The following CTTNBP2 variants were observed in gnomAD, a reference collection of about 807,000 sequenced individuals.
The protein encoded by CTTNBP2 is cortactin-binding protein 2.
Under a neutral mutation model 156.9 loss-of-function variants are expected in CTTNBP2, and 108 were observed. The ratio of observed to expected loss-of-function variants is 0.69; its 90% CI spans 0.59 to 0.81. The LOEUF is 0.81. Among genes scored for constraint, CTTNBP2 ranks in the 30% least tolerant of loss-of-function variants. CTTNBP2 has a pLI of 0.00. For synonymous variants in CTTNBP2, 767 were observed against 751.8 expected (o/e 1.02, Z -0.33); for missense variants, 1,924 against 2,035.4 (o/e 0.95, Z 1.05).
intron 12 of CTTNBP2, among the ~76,000 whole-genome samples, chr7:117,749,314 T>C (rs1360451908): frequency 6.6e-6 from 1 of 152,184 alleles, no homozygotes; most frequent in Non-Finnish European, 1.5e-5. Flanking sequence ...GGTGGCTGAA[T>C]CTCCTTCTTG....
Position 117,718,008 on chromosome 7 carries a change from G to GGACACTTACCTT in CTTNBP2, c.4744_4746+9dup. ...TCCTTTGTTCACTTTGGGGAGAAAG[G>GGACACTTACCTT]GACACTTACCTTTTGTGACACTGGC... On this transcript the variant is annotated intron_variant, in intron 22 of 22. Coordinates refer to ENST00000160373, the MANE Select transcript of CTTNBP2 (RefSeq NM_033427.3). 1 of 1,537,446 alleles carries GGACACTTACCTT rather than the reference G, an allele frequency of 6.5e-7. No homozygotes were observed. Among genetic ancestry groups the GGACACTTACCTT allele is most frequent in the Non-Finnish European group, 9.0e-7 (1 of 1,110,496 alleles).
At chr7:117,789,243 A>G (rs1798863065) in intron 4 of CTTNBP2, among the ~76,000 whole-genome samples, 1 of 152,244 alleles carries the variant, frequency 6.6e-6, no homozygotes, top group African/African-American at 2.4e-5. Context: ...ACCAAAGGGC[A>G]CATGCAGCTA....
chr7:117,812,452 A>G (rs764420692), intron 2 of CTTNBP2, among the ~76,000 whole-genome samples: 2 of 151,998 alleles, frequency 1.3e-5, no homozygotes, highest in Non-Finnish European at 2.9e-5. Context: ...TTAGGCCACT[A>G]TCAGCAAGCC....
intron 3 of CTTNBP2, among the ~76,000 whole-genome samples, chr7:117,807,811 A>G (rs561681365): frequency 8.5e-5 from 13 of 152,218 alleles, no homozygotes; most frequent in Non-Finnish European, 1.6e-4. Context: ...CTAGCTCTGC[A>G]GACGGTACTT....
rs1295354115 is a variant in CTTNBP2, at chr7:117,724,550, C to T, written c.4444G>A (p.Glu1482Lys). Residue 1482 changes from glutamate (E) to lysine (K), a missense_variant, in exon 19 of 23, where the codon GAA becomes AAA. By Grantham distance (56) the Glu-to-Lys change is moderately conservative. Transcript: ENST00000160373. The part of the protein sequence containing the change: ...PTWNKPDLST[E>K]GMKNKTISQL... Reference sequence around the variant, plus strand: ...CATGCCTACCCCCGCCCTTTACCTTCAGTGCTTAGGTCTGGCTTATTCCAG... The same window carrying T: ...CATGCCTACCCCCGCCCTTTACCTTTAGTGCTTAGGTCTGGCTTATTCCAG... 2 of 1,609,918 alleles carry T rather than the reference C, an allele frequency of 1.2e-6. No homozygotes were observed. The highest frequency in any genetic ancestry group is 1.7e-6 in the Non-Finnish European group (2 of 1,178,238).
At chr7:117,846,115 T>G (rs1299801495) in intron 2 of CTTNBP2, among the ~76,000 whole-genome samples, 1 of 152,090 alleles carries the variant, frequency 6.6e-6, no homozygotes, top group Non-Finnish European at 1.5e-5. Flanking sequence ...CCTCCCAAAG[T>G]GCTGAGATTA....
chr7:117,815,177 G>A (rs1371095343), intron 2 of CTTNBP2, among the ~76,000 whole-genome samples: 1 of 152,112 alleles, frequency 6.6e-6, no homozygotes. Context: ...CTAGAAATAC[G>A]TAATTCTAAC....
At chr7:117,815,749 T>G (rs1458298232) in intron 2 of CTTNBP2, among the ~76,000 whole-genome samples, 1 of 152,202 alleles carries the variant, frequency 6.6e-6, no homozygotes, top group Non-Finnish European at 1.5e-5. Context: ...CATTCACGTT[T>G]TTTTAAAAAA....
Position 117,791,120 on chromosome 7 carries a change from C to A in CTTNBP2, c.2068+8G>T. The A allele has an allele frequency of 2.5e-6, 4 of 1,607,322 alleles. No individual in the cohort carries two copies. Among genetic ancestry groups the A allele is most frequent in the Non-Finnish European group, 3.4e-6 (4 of 1,175,174 alleles). Reference sequence around the variant, plus strand: ...TTTAAAAAGCGTATAACATTTCAATCCCTTTACCTGATGCTGTTACCAGGA... The same window carrying A: ...TTTAAAAAGCGTATAACATTTCAATACCTTTACCTGATGCTGTTACCAGGA... On this transcript the variant is annotated splice_region_variant and intron_variant, in intron 4 of 22. Coordinates refer to ENST00000160373, the MANE Select transcript of CTTNBP2 (RefSeq NM_033427.3).
intron 2 of CTTNBP2, among the ~76,000 whole-genome samples, chr7:117,853,991 A>G (rs1437767275): frequency 1.3e-5 from 2 of 152,236 alleles, no homozygotes; most frequent in East Asian, 3.8e-4. Context: ...CAAAGAAAAC[A>G]TTGACCAGAA....
chr7:117,860,965 C>T (rs1803691187), intron 2 of CTTNBP2, among the ~76,000 whole-genome samples: 1 of 152,152 alleles, frequency 6.6e-6, no homozygotes, highest in East Asian at 1.9e-4. Context: ...ACAGCTGACT[C>T]CTCAAGTTTC....
intron 17 of CTTNBP2, among the ~76,000 whole-genome samples, chr7:117,725,957 G>A (rs905277024): frequency 2.6e-5 from 4 of 152,144 alleles, no homozygotes; most frequent in African/African-American, 9.7e-5. Context: ...CCAAAGTGCT[G>A]GGATTGCAGG....
chr7:117,826,854 A>C (rs1801314782), intron 2 of CTTNBP2, among the ~76,000 whole-genome samples: 1 of 144,716 alleles, frequency 6.9e-6, no homozygotes, highest in Non-Finnish European at 1.5e-5. Flanking sequence ...TATTATTATT[A>C]TTATTATTAT....
chr7:117,715,064 C>A (rs1794267718), intron 22 of CTTNBP2, among the ~76,000 whole-genome samples: 1 of 152,092 alleles, frequency 6.6e-6, no homozygotes, highest in Non-Finnish European at 1.5e-5. Context: ...TAAATCAGAG[C>A]AATTCATTCA....
chr7:117,711,787 A>T lies in CTTNBP2; in HGVS notation c.4747-5T>A. On this transcript the variant is annotated splice_polypyrimidine_tract_variant and splice_region_variant and intron_variant, in intron 22 of 22. Coordinates refer to ENST00000160373, the MANE Select transcript of CTTNBP2 (RefSeq NM_033427.3). ...GCTGCTGAGAGGACTGACCTCCTGT[A>T]AGAGACAAGAAACCACACAAGTTTA... 2 of 1,604,730 alleles carry T rather than the reference A, an allele frequency of 1.2e-6. No homozygotes were observed. Among genetic ancestry groups the T allele is most frequent in the Non-Finnish European group, 1.7e-6 (2 of 1,174,450 alleles).
intron 2 of CTTNBP2, among the ~76,000 whole-genome samples, chr7:117,818,640 CT>C (rs1340701509): frequency 1.1e-4 from 17 of 152,172 alleles, no homozygotes; most frequent in African/African-American, 3.6e-4. Context: ...CAGAACTGGA[CT>C]TCTGGACTCA....
chr7:117,853,850 G>A (rs1260804675), intron 2 of CTTNBP2, among the ~76,000 whole-genome samples: 1 of 152,122 alleles, frequency 6.6e-6, no homozygotes, highest in African/African-American at 2.4e-5. Context: ...CTTATTATAT[G>A]GGCCAGAAAT....
intron 2 of CTTNBP2, among the ~76,000 whole-genome samples, chr7:117,857,197 CTAAA>C (rs1327529948): frequency 6.6e-6 from 1 of 152,130 alleles, no homozygotes; most frequent in Non-Finnish European, 1.5e-5. Flanking sequence ...TGTTGACAAA[CTAAA>C]TAATTCCCAT....
At chr7:117,724,981 C>CT in intron 18 of CTTNBP2, 71 bp downstream of exon 18, 2 of 1,423,936 alleles carry the variant, frequency 1.4e-6, no homozygotes, top group Non-Finnish European at 2.0e-6. Flanking sequence ...AGAAAGCTCT[C>CT]TAAAAACAGC....
Sources: gnomAD v4.1 joint callset for allele counts (sites outside exome capture counted in the v4.1 genomes callset) on GRCh38, gnomAD v4.1.1 for gene constraint, MANE v1.5 for transcripts, NCBI Gene and HGNC (gene_info 2026-07-23, HGNC 2026-07-21) for gene names.